The following RIMS2 variants were observed in gnomAD, a reference collection of about 807,000 sequenced individuals.
RIMS2 encodes the protein regulating synaptic membrane exocytosis protein 2.
RIMS2 carries 59 observed loss-of-function variants against 174.4 expected under a neutral mutation model. The observed-to-expected ratio is 0.34, with a 90% CI of 0.27 to 0.42. RIMS2 has a LOEUF of 0.42. Among genes scored for constraint, RIMS2 ranks in the 10% least tolerant of loss-of-function variants. RIMS2 has a pLI of 1.00. For missense variants in RIMS2, 1,620 were observed against 1,666.3 expected (o/e 0.97, Z 0.48); for synonymous variants, 606 against 572.5 (o/e 1.06, Z -0.84).
chr8:103,763,439 G>GA (rs60882790), intron 2 of RIMS2, among the ~76,000 whole-genome samples: 25,316 of 141,354 alleles, frequency 0.18, 2,586 homozygotes, highest in African/African-American at 0.29. Flanking sequence ...CTGTTTCAAG[G>GA]AAAAAAAAAA....
chr8:104,243,368 A>G (rs946886747), intron 19 of RIMS2, among the ~76,000 whole-genome samples: 3 of 152,212 alleles, frequency 2.0e-5, no homozygotes, highest in African/African-American at 7.2e-5. Flanking sequence ...ATCACTGGCA[A>G]TATCAGCAAA....
chr8:103,732,507 G>T (rs1439743343), intron 2 of RIMS2, among the ~76,000 whole-genome samples: 2 of 152,174 alleles, frequency 1.3e-5, no homozygotes, highest in African/African-American at 4.8e-5. Flanking sequence ...ATTAAAGCCT[G>T]CCAGGCTTGC....
In RIMS2 at chr8:103,715,652, T is replaced by C. The variant is rs183664579; in HGVS notation, c.387+18356T>C. Reference sequence around the variant, plus strand: ...CTTTGTAGTGTATTTAAATCACCTTTTGACCAAAATATGTATTTTCTCATT... The same window carrying C: ...CTTTGTAGTGTATTTAAATCACCTTCTGACCAAAATATGTATTTTCTCATT... On this transcript the variant is annotated intron_variant, in intron 2 of 23. Coordinates refer to ENST00000504942, the Ensembl canonical transcript of RIMS2. Among the ~76,000 whole-genome samples, 4 of 152,304 alleles carry C rather than the reference T, an allele frequency of 2.6e-5. No individual in the cohort carries two copies. The East Asian group carries it at 7.7e-4, about 29-fold the overall frequency.
At chr8:103,730,380 G>T (rs2097576338) in intron 2 of RIMS2, among the ~76,000 whole-genome samples, 1 of 152,038 alleles carries the variant, frequency 6.6e-6, no homozygotes, top group African/African-American at 2.4e-5. Flanking sequence ...TTCTTTTGCT[G>T]ATTGACACCT....
At chr8:103,845,853 C>G (rs2098965099) in intron 3 of RIMS2, among the ~76,000 whole-genome samples, 1 of 152,018 alleles carries the variant, frequency 6.6e-6, no homozygotes, top group Non-Finnish European at 1.5e-5. Context: ...ATTCTTTGAA[C>G]TAATATTTAA....
At chr8:103,981,345 C>G (rs2093889123) in intron 16 of RIMS2, among the ~76,000 whole-genome samples, 1 of 152,170 alleles carries the variant, frequency 6.6e-6, no homozygotes, top group Non-Finnish European at 1.5e-5. Flanking sequence ...GGTGGTACCT[C>G]TATGAGTCTG....
At chr8:104,152,086 T>C (rs2098693320) in intron 19 of RIMS2, among the ~76,000 whole-genome samples, 1 of 152,226 alleles carries the variant, frequency 6.6e-6, no homozygotes, top group South Asian at 2.1e-4. Flanking sequence ...TATAGCTCTA[T>C]TGACCATACA....
chr8:104,172,911 C>G (rs1403829690), intron 19 of RIMS2, among the ~76,000 whole-genome samples: 3 of 152,226 alleles, frequency 2.0e-5, no homozygotes, highest in Middle Eastern at 3.4e-3. Context: ...TTCCAAACTC[C>G]AAAAGGAGTT....
intron 1 of RIMS2, among the ~76,000 whole-genome samples, chr8:103,633,032 CTT>C (rs34279617): frequency 8.0e-5 from 11 of 138,086 alleles, no homozygotes; most frequent in East Asian, 2.1e-4. Context: ...CGCGCCAGGC[CTT>C]TTTTTTTTTT....
chr8:103,695,337 A>C (rs565823318), intron 1 of RIMS2, among the ~76,000 whole-genome samples: 1 of 152,232 alleles, frequency 6.6e-6, no homozygotes, highest in Non-Finnish European at 1.5e-5. Context: ...TGCTTATGTC[A>C]GTCTCCATTG....
In RIMS2 at chr8:104,179,922, A is replaced by C. The variant is rs376675712; in HGVS notation, c.3335-64994A>C. 4.6e-5 allele frequency among the ~76,000 whole-genome samples: 7 copies of C among 151,830 alleles called. No individual in the cohort carries two copies. The East Asian group carries it at 9.6e-4, about 21-fold the overall frequency. ...CCTGTTAACATTTTGCTGCATAATC[A>C]TACAGACTTTATCATACATTCCAGT... is the stretch of plus-strand genomic sequence containing the variant. On this transcript the variant is annotated intron_variant, in intron 19 of 23. Coordinates refer to ENST00000504942, the Ensembl canonical transcript of RIMS2.
chr8:104,005,948 T>A (rs1169858703), intron 17 of RIMS2, among the ~76,000 whole-genome samples: 2 of 151,974 alleles, frequency 1.3e-5, no homozygotes, highest in Non-Finnish European at 2.9e-5. Context: ...CGTAGACTGT[T>A]TTCTTAAAGA....
intron 1 of RIMS2, among the ~76,000 whole-genome samples, chr8:103,632,463 C>A (rs1219177740): frequency 6.6e-6 from 1 of 152,170 alleles, no homozygotes; most frequent in East Asian, 1.9e-4. Flanking sequence ...CTCTTTCGCC[C>A]AGGATGGAGT....
At chr8:103,518,546 G>T (rs567034857) in intron 1 of RIMS2, among the ~76,000 whole-genome samples, 2 of 151,676 alleles carry the variant, frequency 1.3e-5, no homozygotes, top group Admixed American at 6.6e-5. Context: ...TTGGAAAAAA[G>T]AAAATATATT....
intron 19 of RIMS2, among the ~76,000 whole-genome samples, chr8:104,108,088 G>A (rs2098112078): frequency 6.6e-6 from 1 of 151,586 alleles, no homozygotes; most frequent in Non-Finnish European, 1.5e-5. Context: ...TTGGTTGGTT[G>A]ATTTACTGAT....
chr8:103,941,416 GT>G (rs2082500135), intron 13 of RIMS2, among the ~76,000 whole-genome samples: 1 of 152,140 alleles, frequency 6.6e-6, no homozygotes, highest in African/African-American at 2.4e-5. Context: ...TACCCTAGGA[GT>G]TTGAGGCTGC....
chr8:104,128,523 A>C (rs11996139), intron 19 of RIMS2, among the ~76,000 whole-genome samples: 85,640 of 151,768 alleles, frequency 0.56, 27,163 homozygotes, highest in East Asian at 0.92. Context: ...ATGGAGAAAC[A>C]CCCATCTCTA....
chr8:103,658,699 A>G (rs2096560718), intron 1 of RIMS2, among the ~76,000 whole-genome samples: 1 of 152,198 alleles, frequency 6.6e-6, no homozygotes, highest in Non-Finnish European at 1.5e-5. Context: ...TGGAAGTGCT[A>G]ATTATTAGCA....
At position 104,146,745 on chromosome 8, in the gene RIMS2, A is replaced by G. The variant is rs192476897; in HGVS notation, c.3335-98171A>G. Among the ~76,000 whole-genome samples, 493 of 152,286 alleles carry G rather than the reference A, an allele frequency of 3.2e-3. 3 individuals carry two copies. Among genetic ancestry groups the G allele is most frequent in the African/African-American group, 0.011 (453 of 41,552 alleles). On this transcript the variant is annotated intron_variant, in intron 19 of 23. Coordinates refer to ENST00000504942, the Ensembl canonical transcript of RIMS2. ...AGACGGGATCTAACTCTGTCATCAA[A>G]GCTGGAGTGCAGTGGCACCATCTCG...
Sources: gnomAD v4.1 joint callset for allele counts (sites outside exome capture counted in the v4.1 genomes callset) on GRCh38, gnomAD v4.1.1 for gene constraint, MANE v1.5 for transcripts, NCBI Gene and HGNC (gene_info 2026-07-23, HGNC 2026-07-21) for gene names.